The following DIAPH1 variants were observed in gnomAD, a reference collection of about 807,000 sequenced individuals.
DIAPH1 encodes the protein protein diaphanous homolog 1.
DIAPH1 carries 46 observed loss-of-function variants against 140.7 expected under a neutral mutation model. The ratio of observed to expected loss-of-function variants is 0.33; its 90% confidence interval spans 0.26 to 0.42. The LOEUF is 0.42. DIAPH1 is among the 10% of genes least tolerant of loss of function. The pLI is 1.00. For missense variants in DIAPH1, 1,310 were observed against 1,558.7 expected (o/e 0.84, Z 2.69); for synonymous variants, 565 against 551.6 (o/e 1.02, Z -0.34).
At chr5:141,610,080 T>G (rs1199128129) in intron 1 of DIAPH1, among the ~76,000 whole-genome samples, 2 of 152,192 alleles carry the variant, frequency 1.3e-5, no homozygotes, top group East Asian at 3.8e-4. Flanking sequence ...GGAGGATCAC[T>G]TGACGCTAGG....
intron 1 of DIAPH1, among the ~76,000 whole-genome samples, chr5:141,615,674 C>T (rs144962175): frequency 0.095 from 14,398 of 151,668 alleles, 869 homozygotes; most frequent in South Asian, 0.15. Context: ...ACCCGGGAGG[C>T]GGAGCTTGCA....
intron 1 of DIAPH1, among the ~76,000 whole-genome samples, chr5:141,608,567 T>C (rs1242302878): frequency 1.3e-5 from 2 of 152,234 alleles, no homozygotes; most frequent in African/African-American, 4.8e-5. Flanking sequence ...CATGACTTCT[T>C]GGTCAGTCTT....
chr5:141,560,937 G>A (rs1400395978), intron 18 of DIAPH1: 3 of 455,616 alleles, frequency 6.6e-6, no homozygotes, highest in South Asian at 4.6e-5. Context: ...GGGGAAAGAT[G>A]AGGGGGGGAA....
chr5:141,577,897 C>T, intron 11 of DIAPH1: 2 of 503,368 alleles, frequency 4.0e-6, no homozygotes, highest in East Asian at 3.8e-5. Flanking sequence ...TAACAGGTAA[C>T]TAAATTACTC....
At chr5:141,542,370 TTGCAGTGAG>T (rs952221892) in intron 18 of DIAPH1, among the ~76,000 whole-genome samples, 1 of 151,784 alleles carries the variant, frequency 6.6e-6, no homozygotes, top group Admixed American at 6.6e-5. Context: ...GAGGCAGAGG[TTGCAGTGAG>T]CCAAGATCGT....
intron 18 of DIAPH1, among the ~76,000 whole-genome samples, chr5:141,541,924 T>C (rs886460729): frequency 2.6e-5 from 4 of 152,146 alleles, no homozygotes; most frequent in African/African-American, 9.7e-5. Flanking sequence ...ATGATGTTCA[T>C]AGAACATAAA....
At position 141,573,938 on chromosome 5, in the gene DIAPH1, C is replaced by A; in HGVS notation, c.1912G>T (p.Ala638Ser). Residue 638 changes from alanine to serine, a missense_variant, in exon 16 of 28, where the codon GCT (alanine) becomes TCT (serine). Ala to Ser is a moderately conservative substitution (Grantham distance 99, BLOSUM62 1). Transcript: ENST00000389054. The stretch of plus-strand genomic sequence containing the variant: ...GACAAAGGAGGGGGTGGAGAGATAG[C>A]AGTACCTCCAGGTAAAGAAGGGGGT... ...SSPPSLPGGT[A>S]ISPPPPLSGD... 6.4e-7 allele frequency: 1 copy of A among 1,550,788 alleles called. No homozygotes were observed. Among genetic ancestry groups the A allele is most frequent in the Non-Finnish European group, 8.7e-7 (1 of 1,147,616 alleles).
chr5:141,573,212 G>A (rs988226559), intron 16 of DIAPH1, among the ~76,000 whole-genome samples: 7 of 152,006 alleles, frequency 4.6e-5, no homozygotes, highest in Non-Finnish European at 7.4e-5. Flanking sequence ...CGAGACGGGC[G>A]GATCACGAGG....
At chr5:141,555,267 C>T (rs2099892384) in intron 18 of DIAPH1, among the ~76,000 whole-genome samples, 1 of 152,206 alleles carries the variant, frequency 6.6e-6, no homozygotes, top group Admixed American at 6.5e-5. Flanking sequence ...TAAAAACTGT[C>T]ACCAAACAGG....
chr5:141,611,121 G>C (rs1310659683), intron 1 of DIAPH1, among the ~76,000 whole-genome samples: 1 of 151,750 alleles, frequency 6.6e-6, no homozygotes, highest in East Asian at 1.9e-4. Flanking sequence ...GAAAAGAAAA[G>C]AAAAATTAGC....
At chr5:141,595,490 G>C (rs1170301245) in intron 1 of DIAPH1, among the ~76,000 whole-genome samples, 2 of 152,156 alleles carry the variant, frequency 1.3e-5, no homozygotes, top group Admixed American at 6.5e-5. Flanking sequence ...GCGGGACCAG[G>C]TGGAGGTAAT....
chr5:141,614,056 T>C (rs3828677), intron 1 of DIAPH1, among the ~76,000 whole-genome samples: 102,163 of 152,078 alleles, frequency 0.67, 35,456 homozygotes, highest in African/African-American at 0.85. Flanking sequence ...GCTGGTAGCA[T>C]AAAATGAATT....
intron 18 of DIAPH1, chr5:141,557,743 A>C (rs914888170): frequency 4.6e-5 from 7 of 152,214 alleles, no homozygotes; most frequent in African/African-American, 1.7e-4. Context: ...TCCGGCAGCC[A>C]AACCATTTTG....
At chr5:141,594,013 C>G (rs1562338902) in intron 1 of DIAPH1, among the ~76,000 whole-genome samples, 1 of 152,300 alleles carries the variant, frequency 6.6e-6, no homozygotes, top group East Asian at 1.9e-4. Context: ...CCAGGCTGGT[C>G]TGGAACTCCT....
rs1343934601 is a variant in DIAPH1 at position 141,548,763 on chromosome 5, TGCCACTGTACTCCA to T, written c.2483-14344_2483-14331del. On this transcript the variant is annotated intron_variant, in intron 18 of 27. Transcript: ENST00000389054. The stretch of plus-strand genomic sequence containing the variant: ...CTGAGGCTGCAGTGAGCCACAATCA[TGCCACTGTACTCCA>T]GCCTGGGTGACAAAGTGAGACCCTG... 2.0e-5 allele frequency among the ~76,000 whole-genome samples: 3 copies of T among 151,970 alleles called. No homozygotes were observed. The East Asian group carries it at 5.8e-4, about 29-fold the overall frequency.
intron 18 of DIAPH1, 126 bp downstream of exon 18, chr5:141,571,302 C>G (rs1314971046): frequency 2.3e-5 from 18 of 795,380 alleles, no homozygotes; most frequent in Non-Finnish European, 2.9e-5. Context: ...CAAAAAACAC[C>G]TAGCAAAGAC....
intron 1 of DIAPH1, among the ~76,000 whole-genome samples, chr5:141,614,485 A>ATCAT (rs2099902340): frequency 6.6e-6 from 1 of 152,156 alleles, no homozygotes; most frequent in Non-Finnish European, 1.5e-5. Context: ...ACAAAATTAA[A>ATCAT]TCATGTCTCA....
Position 141,618,806 on chromosome 5 carries a change from T to C in DIAPH1, c.109A>G (p.Lys37Glu). ...PSAGGDGGKSKKFTLKRLMAD... is the reference protein window; with the variant it reads ...PSAGGDGGKSEKFTLKRLMAD... ...ATGGGAGGGACACTCACAAATTTCT[T>C]AGATTTGCCGCCGTCGCCGCCCGCC... Residue 37 changes from lysine to glutamate, a missense_variant, in exon 1 of 28, where the codon AAG (lysine) becomes GAG (glutamate). Lys to Glu is a moderately conservative substitution (Grantham distance 56). Transcript: ENST00000389054. The C allele has an allele frequency of 1.3e-6, 2 of 1,550,962 alleles. No homozygotes were observed. Among genetic ancestry groups the C allele is most frequent in the South Asian group, 1.2e-5 (1 of 83,492 alleles).
rs2099903176 is a variant in DIAPH1 at position 141,618,985 on chromosome 5, G to GCCC, written c.-74_-72dup. 1 of 835,544 alleles carries GCCC rather than the reference G, an allele frequency of 1.2e-6. No homozygotes were observed. Among genetic ancestry groups the GCCC allele is most frequent in the Non-Finnish European group, 1.7e-6 (1 of 593,430 alleles). The allele number at this position is 835,544 out of a possible 1,614,324, so 51.8% of individuals were successfully genotyped here. On this transcript the variant is annotated 5_prime_UTR_variant, in exon 1 of 28. Coordinates refer to ENST00000389054, the MANE Select transcript of DIAPH1 (RefSeq NM_005219.5). The stretch of plus-strand genomic sequence containing the variant: ...GCCTGGCAGCTCCGCGCCCGCCGCC[G>GCCC]CCCAGTCGCTCTTTAGCCAGCCGCC...
Sources: allele counts gnomAD v4.1 joint callset (sites outside exome capture counted in the v4.1 genomes callset), GRCh38; gene constraint gnomAD v4.1.1; transcripts MANE v1.5; gene names NCBI Gene and HGNC (gene_info 2026-07-23, HGNC 2026-07-21).